The following CAPN15 variants were observed in gnomAD, a reference collection of about 807,000 sequenced individuals.
CAPN15 encodes calpain-15.
A neutral mutation model predicts 97.9 loss-of-function variants in CAPN15; 53 were observed. That is an observed-to-expected ratio of 0.54 (90% CI 0.43 to 0.68). The LOEUF is 0.68. Ranked by LOEUF, CAPN15 falls within the 30% of genes least tolerant of loss-of-function variation. The pLI is 0.00. For missense variants in CAPN15, 1,592 were observed against 1,589.8 expected (o/e 1.00, Z -0.02); for synonymous variants, 922 against 722.5 (o/e 1.28, Z -4.43).
intron 3 of CAPN15, among the ~76,000 whole-genome samples, chr16:544,986 G>A (rs1454095920): frequency 1.4e-5 from 2 of 146,842 alleles, no homozygotes; most frequent in African/African-American, 5.3e-5. Context: ...CTGAGCACGT[G>A]TGGCTGCGAC....
At chr16:543,556 G>T (rs1010472830) in intron 3 of CAPN15, among the ~76,000 whole-genome samples, 1 of 152,112 alleles carries the variant, frequency 6.6e-6, no homozygotes, top group Non-Finnish European at 1.5e-5. Context: ...CGGCATCCCT[G>T]GGGCCACTCC....
chr16:542,461 A>G (rs901430873), intron 3 of CAPN15, among the ~76,000 whole-genome samples: 4 of 151,918 alleles, frequency 2.6e-5, no homozygotes, highest in African/African-American at 4.8e-5. Flanking sequence ...TGTCCTTGTG[A>G]TTCTGGCCGT....
chr16:529,841 G>T (rs2033120898), intron 1 of CAPN15, among the ~76,000 whole-genome samples: 1 of 152,184 alleles, frequency 6.6e-6, no homozygotes, highest in Non-Finnish European at 1.5e-5. Flanking sequence ...TGGACCGTGA[G>T]GCTGAAATGA....
At chr16:531,030 G>A (rs138696423) in intron 1 of CAPN15, among the ~76,000 whole-genome samples, 37 of 152,256 alleles carry the variant, frequency 2.4e-4, no homozygotes, top group African/African-American at 8.2e-4. Context: ...CCTCCCTGGC[G>A]GTCCTAGACG....
In CAPN15 at chr16:535,978, C is replaced by A; in HGVS notation, c.-136-51C>A. The A allele has an allele frequency of 5.1e-6, 3 of 584,112 alleles. No homozygotes were observed. Among genetic ancestry groups the A allele is most frequent in the Non-Finnish European group, 6.5e-6 (3 of 465,006 alleles). The allele number at this position is 584,112 out of a possible 1,614,324, so 36.2% of individuals were successfully genotyped here. A position where few individuals can be genotyped will look rare whatever the true frequency, so the allele number is the denominator to read the frequency against. Reference sequence around the variant, plus strand: ...TGTCCCTCGGCCTGGCCTGGGCACACTCCTTGGTGACAGTGCCCCTGCACG... The same window carrying A: ...TGTCCCTCGGCCTGGCCTGGGCACAATCCTTGGTGACAGTGCCCCTGCACG... On this transcript the variant is annotated intron_variant, in intron 2 of 13. Transcript: ENST00000219611. This position sits in a 1 kb window ranked among gnomAD's most constrained non-coding sequence, Gnocchi z 6.2.
At position 528,003 on chromosome 16, in the gene CAPN15, A is replaced by G. The variant is rs1287982451; in HGVS notation, c.-216A>G. 1 of 138,710 alleles carries G rather than the reference A, an allele frequency of 7.2e-6. No homozygotes were observed. Among genetic ancestry groups the G allele is most frequent in the Non-Finnish European group, 1.6e-5 (1 of 63,320 alleles). 8.6% of individuals were successfully genotyped at this position (138,710 alleles called of 1,614,324 possible). On this transcript the variant is annotated 5_prime_UTR_variant, in exon 1 of 14. Transcript: ENST00000219611. ...GGGCCGCGCTGCCCGGGCCGCGAGGACGAGGCGGCGCCGCCGGGCTGTGGA... is the reference window on the plus strand; with the variant it reads ...GGGCCGCGCTGCCCGGGCCGCGAGGGCGAGGCGGCGCCGCCGGGCTGTGGA...
chr16:545,771 G>A (rs1715177643), intron 3 of CAPN15, among the ~76,000 whole-genome samples: 1 of 152,234 alleles, frequency 6.6e-6, no homozygotes, highest in African/African-American at 2.4e-5. Context: ...TCAGCGGGGT[G>A]CAGAGTCTGT....
Position 549,070 on chromosome 16 carries a change from G to A in CAPN15, c.1527G>A (p.Gln509=), listed in dbSNP as rs1335217122. The change falls in exon 5 of 14, where the codon CAG becomes CAA. Residue 509 remains glutamine, a synonymous_variant. Transcript: ENST00000219611. Reference sequence around the variant, plus strand: ...GCTTCCCCGCGGGTGACAGCGTGCAGCAGCGTGTGAGGCAGTGGCTGCGAC... The same window carrying A: ...GCTTCCCCGCGGGTGACAGCGTGCAACAGCGTGTGAGGCAGTGGCTGCGAC... ...SVGFPAGDSV[Q]QRVRQWLRPQ... 6.2e-7 allele frequency: 1 copy of A among 1,612,590 alleles called. No individual in the cohort carries two copies. Among genetic ancestry groups the A allele is most frequent in the African/African-American group, 1.3e-5 (1 of 74,942 alleles).
rs752192304 is a variant in CAPN15 at position 549,743 on chromosome 16, G to C, written c.1971G>C (p.Glu657Asp). 3 of 1,586,858 alleles carry C rather than the reference G, an allele frequency of 1.9e-6. No individual in the cohort carries two copies. Among genetic ancestry groups the C allele is most frequent in the African/African-American group, 2.7e-5 (2 of 74,090 alleles). The change falls in exon 7 of 14, where the codon GAG becomes GAC. Residue 657 changes from glutamate (E) to aspartate (D), a missense_variant. By Grantham distance (45) the Glu-to-Asp change is conservative. Coordinates refer to ENST00000219611, the MANE Select transcript of CAPN15 (RefSeq NM_005632.3). ...GLATLTGAPC[E>D]SLALQLSSTN... ...CCACGCTCACCGGCGCCCCCTGTGA[G>C]AGCCTGGCGCTGCAGCTCAGCTCCA...
intron 2 of CAPN15, among the ~76,000 whole-genome samples, chr16:534,230 A>ATGGGG (rs2033515893): frequency 7.3e-6 from 1 of 136,488 alleles, no homozygotes; most frequent in Admixed American, 7.2e-5. Flanking sequence ...CGGGGTCCCG[A>ATGGGG]CAGGGGTGTT....
rs757338511 is a variant in CAPN15 at position 553,370 on chromosome 16, G to A, written c.3115G>A (p.Gly1039Ser). ...CCTGGTGATCTTGTCCCAGCTAGAG[G>A]GCAACGCCGGCTTCTCTATCACCCA... ...QVLVILSQLE[G>S]NAGFSITHRL... Residue 1039 changes from glycine to serine, a missense_variant, in exon 14 of 14, where the codon GGC (glycine) becomes AGC (serine). This residue lies in a region of CAPN15 where 644 missense variants were observed against 699.6 expected (regional missense o/e 0.92). Coordinates refer to ENST00000219611, the MANE Select transcript of CAPN15 (RefSeq NM_005632.3). 8.7e-6 allele frequency: 14 copies of A among 1,608,330 alleles called. No individual in the cohort carries two copies. Among genetic ancestry groups the A allele is most frequent in the African/African-American group, 1.4e-5 (1 of 73,572 alleles).
rs746365723 is a variant in CAPN15, at chr16:547,331, G to C, written c.493G>C (p.Val165Leu). ...HNTPVASSCS[V>L]CGGPRRLSLP... is the part of the protein sequence containing the mutation. ...CACGCCCGTGGCCAGCTCCTGCTCC[G>C]TCTGCGGGGGCCCACGCAGGCTCTC... Residue 165 changes from valine (V) to leucine (L), a missense_variant, in exon 4 of 14, where the codon GTC becomes CTC. Around this residue, in one of 3 missense-constraint regions of CAPN15, gnomAD observed 883 missense variants for 776.6 expected, o/e 1.14. Transcript: ENST00000219611. 6.5e-7 allele frequency: 1 copy of C among 1,537,220 alleles called. No individual in the cohort carries two copies. Among genetic ancestry groups the C allele is most frequent in the African/African-American group, 1.4e-5 (1 of 73,108 alleles).
chr16:554,459 C>T lies in CAPN15; in HGVS notation c.*943C>T, dbSNP rs375985418. The T allele has an allele frequency of 2.6e-3, 1,171 of 451,528 alleles. 3 individuals are homozygous for T. The highest frequency in any genetic ancestry group is 4.3e-3 in the Non-Finnish European group (957 of 224,474). The allele number at this position is 451,528 out of a possible 1,614,324, so 28.0% of individuals were successfully genotyped here. On this transcript the variant is annotated 3_prime_UTR_variant, in exon 14 of 14. Transcript: ENST00000219611. ...TTCACCTGGAGAAACATTCCCACTC[C>T]CCTTTGGCCTCCCTGTACTCTGAGC...
At chr16:539,922 C>T (rs922068370) in intron 3 of CAPN15, 14 of 225,002 alleles carry the variant, frequency 6.2e-5, no homozygotes, top group African/African-American at 3.3e-4. Context: ...GGGAGGAGCC[C>T]TGTGGGTGCC....
Position 552,241 on chromosome 16 carries a change from G to A in CAPN15, c.2507+29G>A. ...GGTGCTGCGGGGCCCCATCGGGCTG[G>A]GCTGGGCTAGGCTGGCGGCCGTGAC... On this transcript the variant is annotated intron_variant, in intron 10 of 13. Coordinates refer to ENST00000219611, the MANE Select transcript of CAPN15 (RefSeq NM_005632.3). This position sits in a 1 kb window ranked among gnomAD's most constrained non-coding sequence, Gnocchi z 6.4. 3 of 1,532,658 alleles carry A rather than the reference G, an allele frequency of 2.0e-6. No homozygotes were observed. Among genetic ancestry groups the A allele is most frequent in the Non-Finnish European group, 2.6e-6 (3 of 1,138,622 alleles). 94.9% of individuals were successfully genotyped at this position (1,532,658 alleles called of 1,614,324 possible).
At chr16:536,689 G>T (rs2033761988) in intron 3 of CAPN15, among the ~76,000 whole-genome samples, 1 of 152,204 alleles carries the variant, frequency 6.6e-6, no homozygotes, top group Non-Finnish European at 1.5e-5. Context: ...CTCCCACAGT[G>T]CTGGGATTAC....
intron 3 of CAPN15, chr16:540,347 A>G (rs2034030542): frequency 1.0e-6 from 1 of 985,376 alleles, no homozygotes; most frequent in African/African-American, 1.7e-5. Flanking sequence ...CGGCAGCACC[A>G]GCCCCCACGG....
chr16:535,724 G>C lies in CAPN15; in HGVS notation c.-136-305G>C, dbSNP rs1191511086. On this transcript the variant is annotated intron_variant, in intron 2 of 13. Coordinates refer to ENST00000219611, the MANE Select transcript of CAPN15 (RefSeq NM_005632.3). This position sits in a 1 kb window ranked among gnomAD's most constrained non-coding sequence, Gnocchi z 6.2. ...GCAGTCATGAGTCACGGCCACTCTT[G>C]AGGCGCCGCCCTGAGAGTCAGCCCT... 1.3e-5 allele frequency among the ~76,000 whole-genome samples: 2 copies of C among 152,088 alleles called. No individual in the cohort carries two copies. Among genetic ancestry groups the C allele is most frequent in the African/African-American group, 4.8e-5 (2 of 41,410 alleles).
intron 3 of CAPN15, chr16:540,345 C>T: frequency 2.0e-6 from 2 of 985,570 alleles, no homozygotes; most frequent in Non-Finnish European, 2.4e-6. Context: ...GCCGGCAGCA[C>T]CAGCCCCCAC....
Sources: gnomAD v4.1 joint callset for allele counts (sites outside exome capture counted in the v4.1 genomes callset) on GRCh38, gnomAD v4.1.1 for gene constraint, gnomAD v4.1.1 regional missense constraint, Gnocchi (gnomAD v3.1) non-coding constraint, MANE v1.5 for transcripts, NCBI Gene and HGNC (gene_info 2026-07-23, HGNC 2026-07-21) for gene names.